Variants in CEP70 observed in about 807,000 individuals in gnomAD.
The protein encoded by CEP70 is centrosomal protein 70.
A neutral mutation model predicts 90.9 loss-of-function variants in CEP70; 70 were observed. That is an observed-to-expected ratio of 0.77 (90% CI 0.64 to 0.94). The LOEUF is 0.94. Among genes scored for constraint, CEP70 ranks in the 40% least tolerant of loss-of-function variants. CEP70 has a pLI of 0.00. For synonymous variants in CEP70, 220 were observed against 228.3 expected, an observed-to-expected ratio of 0.96 and a Z score of 0.33; for missense variants, 648 against 669.0, an observed-to-expected ratio of 0.97 and a Z score of 0.35.
Position 138,540,433 on chromosome 3 carries a change from G to A in CEP70, c.466-3086C>T, listed in dbSNP as rs368520012. Among the ~76,000 whole-genome samples the A allele has an allele frequency of 1.6e-4, 23 of 148,054 alleles. No homozygotes were observed. In the East Asian group the frequency reaches 2.6e-3, roughly 17 times the overall value. ...TTGAACCTGGAGGTTGCAGTGAGCC[G>A]AGACCACACCACTGCACTCCAGCCT... On this transcript the variant is annotated intron_variant, in intron 6 of 17. Coordinates refer to ENST00000264982, the MANE Select transcript of CEP70 (RefSeq NM_024491.4).
chr3:138,571,384 T>C (rs776715378), intron 3 of CEP70, 28 bp from the exon 4 acceptor site: 1 of 1,434,556 alleles, frequency 7.0e-7, no homozygotes, highest in Non-Finnish European at 9.7e-7. Flanking sequence ...GAAGAAAGGG[T>C]TAACTTTAGA....
In CEP70 at chr3:138,571,323, G is replaced by A. The variant is rs2108152122; in HGVS notation, c.103C>T (p.Leu35=). 1 of 1,609,968 alleles carries A rather than the reference G, an allele frequency of 6.2e-7. No homozygotes were observed. Among genetic ancestry groups the A allele is most frequent in the South Asian group, 1.1e-5 (1 of 90,672 alleles). ...GGTTTTAAGCCATGCATCATCAATA[G>A]CACATTTATGCTTTCCCATTCTGCT... ...EEAEWESINV[L]LMMHGLKPLS... is the part of the protein sequence containing the mutation. Residue 35 remains leucine (L), a synonymous_variant, in exon 4 of 18, where the codon CTA becomes TTA. Transcript: ENST00000264982.
intron 3 of CEP70, 78 bp downstream of exon 3, chr3:138,572,781 C>T (rs897269136): frequency 4.2e-6 from 4 of 954,402 alleles, no homozygotes; most frequent in East Asian, 4.8e-5. Flanking sequence ...CTTTTAAAGT[C>T]AAATTTTCCT....
intron 6 of CEP70, among the ~76,000 whole-genome samples, chr3:138,562,103 CAG>C (rs2040453655): frequency 2.0e-5 from 3 of 149,332 alleles, no homozygotes; most frequent in Non-Finnish European, 4.4e-5. Context: ...GAAAGGATAT[CAG>C]AGATTGAAGA....
intron 6 of CEP70, among the ~76,000 whole-genome samples, chr3:138,565,854 C>G (rs561237723): frequency 6.6e-6 from 1 of 152,224 alleles, no homozygotes; most frequent in East Asian, 1.9e-4. Context: ...AGCTTCTGCA[C>G]AGCAAAAGAA....
At chr3:138,527,383 G>A (rs1404270211) in intron 10 of CEP70, among the ~76,000 whole-genome samples, 3 of 150,458 alleles carry the variant, frequency 2.0e-5, no homozygotes, top group East Asian at 1.9e-4. Context: ...TCATCCTTGC[G>A]CAGGCCTGGC....
chr3:138,502,317 T>C (rs773465005), intron 13 of CEP70, among the ~76,000 whole-genome samples: 1 of 152,236 alleles, frequency 6.6e-6, no homozygotes, highest in Admixed American at 6.5e-5. Context: ...GAGGCTACCA[T>C]ACTAGACAGC....
intron 11 of CEP70, among the ~76,000 whole-genome samples, chr3:138,517,178 T>A (rs1324082816): frequency 6.6e-6 from 1 of 152,226 alleles, no homozygotes; most frequent in Non-Finnish European, 1.5e-5. Context: ...ATTTTCTATT[T>A]AAAATCTTTG....
intron 7 of CEP70, among the ~76,000 whole-genome samples, chr3:138,533,141 C>T (rs374908087): frequency 2.2e-4 from 33 of 151,942 alleles, no homozygotes; most frequent in East Asian, 7.7e-4. Context: ...ATTAGCTGGG[C>T]GTCGTGGCGA....
chr3:138,537,384 T>G (rs1351471167), intron 6 of CEP70, 37 bp from the exon 7 acceptor site: 36 of 1,382,998 alleles, frequency 2.6e-5, no homozygotes, highest in Non-Finnish European at 3.5e-5. Context: ...TTATGATATG[T>G]ACATCTAGGA....
At position 138,591,872 on chromosome 3, in the gene CEP70, C is replaced by T; in HGVS notation, c.-24G>A. On this transcript the variant is annotated 5_prime_UTR_variant, in exon 2 of 18. Coordinates refer to ENST00000264982, the MANE Select transcript of CEP70 (RefSeq NM_024491.4). ...GACATACCTCAGTCATAGCATATTACTCTTGCACTTTACACCTGGTCATTC... is the reference window on the plus strand; with the variant it reads ...GACATACCTCAGTCATAGCATATTATTCTTGCACTTTACACCTGGTCATTC... The T allele has an allele frequency of 6.6e-7, 1 of 1,522,820 alleles. No individual in the cohort carries two copies. The highest frequency in any genetic ancestry group is 8.8e-7 in the Non-Finnish European group (1 of 1,141,232). 94.3% of individuals were successfully genotyped at this position (1,522,820 alleles called of 1,614,324 possible). A position where few individuals can be genotyped will look rare whatever the true frequency, so the allele number is the denominator to read the frequency against.
chr3:138,516,258 C>G (rs1156621565), intron 11 of CEP70, among the ~76,000 whole-genome samples: 2 of 152,154 alleles, frequency 1.3e-5, no homozygotes, highest in African/African-American at 4.8e-5. Context: ...GTAAGAAGAA[C>G]TGTAAGTACA....
intron 5 of CEP70, 126 bp downstream of exon 5, chr3:138,570,908 C>G: frequency 1.3e-6 from 1 of 751,804 alleles, no homozygotes; most frequent in Non-Finnish European, 2.0e-6. Flanking sequence ...AAAATTTTAC[C>G]TACAAAAATA....
chr3:138,533,189 G>A (rs1317367458), intron 7 of CEP70, among the ~76,000 whole-genome samples: 5 of 151,930 alleles, frequency 3.3e-5, no homozygotes, highest in African/African-American at 1.2e-4. Context: ...GCTGAGGCAG[G>A]AGAATCACTT....
intron 3 of CEP70, 60 bp from the exon 4 acceptor site, chr3:138,571,416 CAT>C: frequency 8.7e-7 from 1 of 1,143,182 alleles, no homozygotes; most frequent in Non-Finnish European, 1.3e-6. Flanking sequence ...GAAATTCTCT[CAT>C]ATATAATTTC....
At chr3:138,539,174 C>A (rs991994168) in intron 6 of CEP70, among the ~76,000 whole-genome samples, 1 of 152,054 alleles carries the variant, frequency 6.6e-6, no homozygotes, top group Admixed American at 6.6e-5. Flanking sequence ...AGTTGCGTAC[C>A]ATCACACCTG....
chr3:138,508,658 CTTATA>C, intron 11 of CEP70, 114 bp from the exon 12 acceptor site: 1 of 706,420 alleles, frequency 1.4e-6, no homozygotes, highest in Non-Finnish European at 2.6e-6. Flanking sequence ...TATCACTTTA[CTTATA>C]TGTGTGTGTG....
intron 6 of CEP70, among the ~76,000 whole-genome samples, chr3:138,545,612 T>C (rs963316468): frequency 1.3e-5 from 2 of 152,164 alleles, no homozygotes; most frequent in African/African-American, 2.4e-5. Context: ...AATAGAGCCA[T>C]ATTTTTCTTC....
In CEP70 at chr3:138,499,051, AAAAAG is replaced by A. The variant is rs1159496747; in HGVS notation, c.1653-946_1653-942del. Among the ~76,000 whole-genome samples the A allele has an allele frequency of 2.6e-5, 4 of 152,146 alleles. No individual in the cohort carries two copies. In the East Asian group the frequency reaches 5.8e-4, roughly 22 times the overall value. On this transcript the variant is annotated intron_variant, in intron 16 of 17. Transcript: ENST00000264982. ...ACAGAGTGAGACTCTGTCTCAAAAAAAAAAGAAAAGAAAAAAAGAAAAAAAATCAG... is the reference window on the plus strand; with the variant it reads ...ACAGAGTGAGACTCTGTCTCAAAAAAAAAAGAAAAAAAGAAAAAAAATCAG...
Sources: allele counts gnomAD v4.1 joint callset (sites outside exome capture counted in the v4.1 genomes callset), GRCh38; gene constraint gnomAD v4.1.1; transcripts MANE v1.5; gene names NCBI Gene and HGNC (gene_info 2026-07-23, HGNC 2026-07-21).